Variants in RBFOX1 observed in about 807,000 individuals in gnomAD.
RBFOX1 encodes RNA binding fox-1 homolog 1.
Under a neutral mutation model 57.7 loss-of-function variants are expected in RBFOX1, and 8 were observed. That is an observed-to-expected ratio of 0.14 (90% CI 0.08 to 0.25). The LOEUF (loss-of-function observed/expected upper bound fraction) is 0.25, where lower values mean the gene tolerates loss of function less well. Among genes scored for constraint, RBFOX1 ranks in the 10% least tolerant of loss-of-function variants. The pLI is 1.00. For synonymous variants in RBFOX1, 326 were observed against 222.4 expected (o/e 1.47, Z -4.15); for missense variants, 611 against 548.5 (o/e 1.11, Z -1.14).
intron 4 of RBFOX1, among the ~76,000 whole-genome samples, chr16:7,513,486 G>A (rs1197665665): frequency 2.6e-5 from 4 of 152,118 alleles, no homozygotes; most frequent in African/African-American, 7.2e-5. Flanking sequence ...GAAAAGTAGG[G>A]ATTCTGGACC....
At chr16:7,426,535 G>A (rs1306357526) in intron 4 of RBFOX1, among the ~76,000 whole-genome samples, 2 of 152,178 alleles carry the variant, frequency 1.3e-5, no homozygotes, top group Admixed American at 1.3e-4. Context: ...AGGAAAATTA[G>A]GAAGGAGAGG....
intron 4 of RBFOX1, among the ~76,000 whole-genome samples, chr16:5,889,682 C>T (rs1296354118): frequency 1.3e-5 from 2 of 152,176 alleles, no homozygotes; most frequent in African/African-American, 2.4e-5. Flanking sequence ...CAAAAGCCAA[C>T]GTGGAGGAGC....
chr16:6,362,382 C>T (rs1441749939), intron 2 of RBFOX1, among the ~76,000 whole-genome samples: 2 of 152,128 alleles, frequency 1.3e-5, no homozygotes, highest in East Asian at 3.9e-4. Flanking sequence ...TTCCCAAATG[C>T]TTGGGAAGTT....
chr16:5,574,244 G>C (rs1335660398), intron 2 of RBFOX1, among the ~76,000 whole-genome samples: 1 of 152,188 alleles, frequency 6.6e-6, no homozygotes, highest in East Asian at 1.9e-4. Context: ...ATTTCGTACA[G>C]TTTGATGCAG....
intron 5 of RBFOX1, among the ~76,000 whole-genome samples, chr16:7,543,174 C>T (rs1207911634): frequency 6.6e-6 from 1 of 152,142 alleles, no homozygotes; most frequent in East Asian, 1.9e-4. Flanking sequence ...AGACACAACT[C>T]CTGAGCTACT....
intron 1 of RBFOX1, among the ~76,000 whole-genome samples, chr16:6,047,312 G>A (rs2152427908): frequency 6.6e-6 from 1 of 152,330 alleles, no homozygotes; most frequent in East Asian, 1.9e-4. Context: ...CATTCCCCAA[G>A]TCTGATTCCT....
At chr16:7,237,776 C>A (rs566403255) in intron 4 of RBFOX1, among the ~76,000 whole-genome samples, 2 of 152,156 alleles carry the variant, frequency 1.3e-5, no homozygotes, top group Non-Finnish European at 2.9e-5. Flanking sequence ...GAGGGTGAGG[C>A]GGACAGATCA....
intron 2 of RBFOX1, among the ~76,000 whole-genome samples, chr16:6,332,926 A>C (rs1411809028): frequency 3.9e-5 from 6 of 152,254 alleles, no homozygotes; most frequent in Non-Finnish European, 7.3e-5. Context: ...TACACCTTAC[A>C]GAACATGGGC....
chr16:6,487,673 TAAAAAAAAAAAAAA>T lies in RBFOX1; in HGVS notation c.-63-166915_-63-166902del, dbSNP rs777856402. The stretch of plus-strand genomic sequence containing the variant: ...CTTCCAAAGATGGCAGTGATATATG[TAAAAAAAAAAAAAA>T]AAAAAAAAAAAAAATATATATATAT... On this transcript the variant is annotated intron_variant, in intron 2 of 15. Transcript: ENST00000550418. Among the ~76,000 whole-genome samples, 379 of 38,686 alleles carry T rather than the reference TAAAAAAAAAAAAAA, an allele frequency of 9.8e-3. 8 individuals are homozygous for T. Among genetic ancestry groups the T allele is most frequent in the Middle Eastern group, 0.04 (2 of 50 alleles). 25.4% of individuals were successfully genotyped at this position (38,686 alleles called of 152,430 possible).
chr16:5,644,469 T>A (rs1396070353), intron 3 of RBFOX1, among the ~76,000 whole-genome samples: 2 of 152,198 alleles, frequency 1.3e-5, no homozygotes, highest in Non-Finnish European at 2.9e-5. Context: ...GAAGTTGGAC[T>A]GTACACCATG....
chr16:6,750,968 T>C (rs1167424022), intron 3 of RBFOX1, among the ~76,000 whole-genome samples: 5 of 152,008 alleles, frequency 3.3e-5, no homozygotes, highest in Admixed American at 2.6e-4. Flanking sequence ...CTGAGTGATA[T>C]GAAGGTGCCA....
intron 2 of RBFOX1, among the ~76,000 whole-genome samples, chr16:6,520,108 A>T (rs1005474412): frequency 6.6e-6 from 1 of 152,196 alleles, no homozygotes; most frequent in Non-Finnish European, 1.5e-5. Context: ...GAACTGCTTC[A>T]TTCGGAGGTG....
Position 5,447,378 on chromosome 16 carries a change from A to ATCAATCTC in RBFOX1, c.220-19836_220-19835insAATCTCTC, listed in dbSNP as rs143837516. On this transcript the variant is annotated intron_variant, in intron 1 of 2. Transcript: ENST00000585867. ...TCATTCAATGTCAATCAATCAATCA[A>ATCAATCTC]TCTCTCTCTCTCTCTCTCTCTCTCT... 5.2e-5 allele frequency among the ~76,000 whole-genome samples: 7 copies of ATCAATCTC among 134,460 alleles called. No homozygotes were observed. In the South Asian group the frequency reaches 1.0e-3, roughly 20 times the overall value. The allele number at this position is 134,460 out of a possible 152,430, so 88.2% of individuals were successfully genotyped here. A position where few individuals can be genotyped will look rare whatever the true frequency, so the allele number is the denominator to read the frequency against.
At position 7,273,113 on chromosome 16, in the gene RBFOX1, T is replaced by TCC. The variant is rs2095362416; in HGVS notation, c.27+221016_27+221017insCC. On this transcript the variant is annotated intron_variant, in intron 4 of 15. Coordinates refer to ENST00000550418, the MANE Select transcript of RBFOX1 (RefSeq NM_018723.4). Reference sequence around the variant, plus strand: ...TCCCTCCCTCCCTTTCCTCCTTCCCTCTCTCCCTCCCTTTCCTCCTTCCCT... The same window carrying TCC: ...TCCCTCCCTCCCTTTCCTCCTTCCCTCCCTCTCCCTCCCTTTCCTCCTTCCCT... Among the ~76,000 whole-genome samples, 4 of 99,088 alleles carry TCC rather than the reference T, an allele frequency of 4.0e-5. 1 individual carries two copies. The highest frequency in any genetic ancestry group is 1.2e-4 in the Admixed American group (1 of 8,288). 65.0% of individuals were successfully genotyped at this position (99,088 alleles called of 152,430 possible).
intron 4 of RBFOX1, among the ~76,000 whole-genome samples, chr16:7,139,897 T>C (rs1800648154): frequency 6.6e-6 from 1 of 151,798 alleles, no homozygotes; most frequent in Non-Finnish European, 1.5e-5. Context: ...GCTTGTAAAA[T>C]GTTGGCTGTG....
intron 4 of RBFOX1, among the ~76,000 whole-genome samples, chr16:7,473,375 C>G (rs922565957): frequency 1.3e-5 from 2 of 149,022 alleles, no homozygotes; most frequent in Non-Finnish European, 3.0e-5. Flanking sequence ...GAGACTTGGT[C>G]TCTCATATAT....
chr16:7,595,524 T>C, intron 7 of RBFOX1, 25 bp from the exon 8 acceptor site: 1 of 1,516,960 alleles, frequency 6.6e-7, no homozygotes, highest in Non-Finnish European at 8.9e-7. Context: ...TGCATGTTGT[T>C]TTCCCTTCTC....
chr16:6,134,993 C>G (rs943099733), intron 1 of RBFOX1, among the ~76,000 whole-genome samples: 1 of 152,148 alleles, frequency 6.6e-6, no homozygotes, highest in Non-Finnish European at 1.5e-5. Flanking sequence ...TGTCCGTCCC[C>G]CCTCCCCTGA....
Position 5,386,590 on chromosome 16 carries a change from C to A in RBFOX1, c.220-80626C>A, listed in dbSNP as rs574410009. Among the ~76,000 whole-genome samples the A allele has an allele frequency of 2.5e-4, 38 of 152,270 alleles. 1 individual carries two copies. The South Asian group carries it at 7.3e-3, about 29-fold the overall frequency. On this transcript the variant is annotated intron_variant, in intron 1 of 2. Coordinates refer to the RBFOX1 transcript ENST00000585867. ...TCACTGCAGCCCCACTCTCTCTTAA[C>A]CCTTGTGTGACCTTACCCTTGTCCT...
Sources: allele counts gnomAD v4.1 joint callset (sites outside exome capture counted in the v4.1 genomes callset), GRCh38; gene constraint gnomAD v4.1.1; transcripts MANE v1.5; gene names NCBI Gene and HGNC (gene_info 2026-07-23, HGNC 2026-07-21).